Variants in ARHGEF11 observed in about 807,000 individuals in gnomAD.
The protein encoded by ARHGEF11 is Rho guanine exchange factor (GEF) 11.
Under a neutral mutation model 193.7 loss-of-function variants are expected in ARHGEF11, and 55 were observed. The ratio of observed to expected loss-of-function variants is 0.28; its 90% confidence interval spans 0.23 to 0.36. The LOEUF (loss-of-function observed/expected upper bound fraction) is 0.36, where lower values mean the gene tolerates loss of function less well. ARHGEF11 is among the 10% of genes least tolerant of loss of function. The pLI, the probability that ARHGEF11 is intolerant of heterozygous loss-of-function variation, is 1.00. For synonymous variants in ARHGEF11, 693 were observed against 768.0 expected, an observed-to-expected ratio of 0.90 and a Z score of 1.62; for missense variants, 1,723 against 2,005.6, an observed-to-expected ratio of 0.86 and a Z score of 2.69.
intron 14 of ARHGEF11, among the ~76,000 whole-genome samples, chr1:156,960,732 G>A (rs964630842): frequency 6.6e-6 from 1 of 152,136 alleles, no homozygotes; most frequent in East Asian, 1.9e-4. Context: ...CCATTAGAGC[G>A]CATGGGATGG....
intron 8 of ARHGEF11, 32 bp downstream of exon 8, chr1:156,971,665 G>A (rs1333652956): frequency 1.2e-6 from 2 of 1,603,344 alleles, no homozygotes; most frequent in Admixed American, 3.3e-5. Flanking sequence ...TACTGCATGT[G>A]CCCTTACTAG....
intron 1 of ARHGEF11, among the ~76,000 whole-genome samples, chr1:157,032,438 T>C (rs183591909): frequency 1.3e-5 from 2 of 152,354 alleles, no homozygotes; most frequent in Admixed American, 6.5e-5. Context: ...GTTGTAACAA[T>C]GCAGATCCTC....
At chr1:156,949,084 C>T in intron 22 of ARHGEF11, 2 of 985,446 alleles carry the variant, frequency 2.0e-6, no homozygotes, top group Non-Finnish European at 1.2e-6. Context: ...CTTAGCCTTC[C>T]AGTTGTGATG....
chr1:156,941,818 GT>G, intron 34 of ARHGEF11, 45 bp downstream of exon 34: 1 of 1,558,046 alleles, frequency 6.4e-7, no homozygotes, highest in South Asian at 1.2e-5. Flanking sequence ...GAAACAGGAG[GT>G]TTGGAGTGGA....
At chr1:156,944,301 C>A in intron 31 of ARHGEF11, 57 bp downstream of exon 31, 1 of 1,563,100 alleles carries the variant, frequency 6.4e-7, no homozygotes, top group Non-Finnish European at 8.8e-7. Context: ...GACAGAAGAG[C>A]CCAGGGAGGC....
At chr1:157,033,057 G>T (rs1004531536) in intron 1 of ARHGEF11, among the ~76,000 whole-genome samples, 11 of 152,024 alleles carry the variant, frequency 7.2e-5, no homozygotes, top group African/African-American at 2.4e-4. Context: ...TTATGCTTCT[G>T]CTGCTCCGTC....
intron 1 of ARHGEF11, among the ~76,000 whole-genome samples, chr1:157,036,475 A>T (rs895691056): frequency 2.0e-5 from 3 of 151,606 alleles, no homozygotes; most frequent in Non-Finnish European, 4.4e-5. Context: ...GCGTGCACCA[A>T]CACATCAGGC....
intron 3 of ARHGEF11, among the ~76,000 whole-genome samples, chr1:156,983,292 G>A (rs562647787): frequency 3.6e-4 from 54 of 152,020 alleles, no homozygotes; most frequent in Non-Finnish European, 7.2e-4. Context: ...GCACGATCTT[G>A]GCTCACCGCA....
intron 1 of ARHGEF11, among the ~76,000 whole-genome samples, chr1:157,012,562 A>G (rs1363552382): frequency 1.3e-5 from 2 of 152,244 alleles, no homozygotes; most frequent in Admixed American, 6.5e-5. Context: ...GGTTTTACAG[A>G]TATGAAGAAA....
rs1386451672 is a variant in ARHGEF11 at position 157,044,174 on chromosome 1, C to A, written c.32+125G>T. On this transcript the variant is annotated intron_variant, in intron 1 of 40. Coordinates refer to ENST00000368194, the MANE Select transcript of ARHGEF11 (RefSeq NM_198236.3). ...CTGACAGTCCCCAGAGACTAATGCT[C>A]CTAGCCCACCAATTCCCATAGCCCA... is the stretch of plus-strand genomic sequence containing the variant. The A allele has an allele frequency of 1.1e-5, 10 of 871,166 alleles. 1 individual carries two copies. The East Asian group carries it at 2.4e-4, about 21-fold the overall frequency. 54.0% of individuals were successfully genotyped at this position (871,166 alleles called of 1,614,324 possible).
intron 20 of ARHGEF11, 63 bp downstream of exon 20, chr1:156,955,640 A>C: frequency 7.7e-7 from 1 of 1,291,730 alleles, no homozygotes; most frequent in Non-Finnish European, 1.1e-6. Context: ...ACATACTGGT[A>C]CATGAAAGGG....
At chr1:157,039,728 A>T (rs1672499530) in intron 1 of ARHGEF11, among the ~76,000 whole-genome samples, 1 of 152,246 alleles carries the variant, frequency 6.6e-6, no homozygotes, top group Non-Finnish European at 1.5e-5. Context: ...AATAAAAATG[A>T]ATTTTTAAAG....
At chr1:156,936,175 C>T (rs764994469) in intron 40 of ARHGEF11, 117 bp from the exon 41 acceptor site, 1 of 1,062,138 alleles carries the variant, frequency 9.4e-7, no homozygotes, top group East Asian at 2.4e-5. Flanking sequence ...CCTTCTCCTC[C>T]AGAAACCCCA....
intron 15 of ARHGEF11, 146 bp from the exon 16 acceptor site, chr1:156,959,288 G>T: frequency 1.5e-6 from 1 of 677,910 alleles, no homozygotes; most frequent in East Asian, 2.7e-5. Context: ...TAAAAGGAGA[G>T]GAGGCCTGGA....
intron 1 of ARHGEF11, among the ~76,000 whole-genome samples, chr1:157,012,324 G>C (rs770919811): frequency 3.3e-5 from 5 of 152,166 alleles, no homozygotes; most frequent in Non-Finnish European, 4.4e-5. Flanking sequence ...AACTGGGGCA[G>C]GGATGAAGGA....
In ARHGEF11 at chr1:156,944,059, C is replaced by T; in HGVS notation, c.3111G>A (p.Gln1037=). ...LLLEDLLVLL[Q]KQDEKLLLKC... ...TCAGCAATAGCTTCTCATCCTGTTTCTGTAGCAGCACTAGGAGGTCCTCCA... is the reference window on the plus strand; with the variant it reads ...TCAGCAATAGCTTCTCATCCTGTTTTTGTAGCAGCACTAGGAGGTCCTCCA... The change falls in exon 32 of 41, where the codon CAG becomes CAA. Residue 1037 remains glutamine (Q), a synonymous_variant. Coordinates refer to ENST00000368194, the MANE Select transcript of ARHGEF11 (RefSeq NM_198236.3). 1 of 1,614,212 alleles carries T rather than the reference C, an allele frequency of 6.2e-7. No homozygotes were observed. The highest frequency in any genetic ancestry group is 1.1e-5 in the South Asian group (1 of 91,084).
intron 1 of ARHGEF11, among the ~76,000 whole-genome samples, chr1:157,014,325 A>G (rs1668939289): frequency 6.6e-6 from 1 of 151,980 alleles, no homozygotes; most frequent in East Asian, 1.9e-4. Flanking sequence ...AATCTCACTC[A>G]TGCCTCTCCT....
At chr1:157,038,118 C>CTGATAAA (rs1672290141) in intron 1 of ARHGEF11, among the ~76,000 whole-genome samples, 1 of 150,490 alleles carries the variant, frequency 6.6e-6, no homozygotes, top group Admixed American at 6.6e-5. Flanking sequence ...ACTGAGCCAT[C>CTGATAAA]TGATAAATAT....
chr1:157,014,530 G>C (rs1245999974), intron 1 of ARHGEF11, among the ~76,000 whole-genome samples: 1 of 151,880 alleles, frequency 6.6e-6, no homozygotes, highest in Admixed American at 6.6e-5. Flanking sequence ...CTCTCTTAAA[G>C]GAAAAAATAT....
Sources: allele counts gnomAD v4.1 joint callset (sites outside exome capture counted in the v4.1 genomes callset), GRCh38; gene constraint gnomAD v4.1.1; transcripts MANE v1.5; gene names NCBI Gene and HGNC (gene_info 2026-07-23, HGNC 2026-07-21).